The following IQSEC1 variants were observed in gnomAD, a reference collection of about 807,000 sequenced individuals.
The protein encoded by IQSEC1 is IQ motif and SEC7 domain-containing protein 1.
A neutral mutation model predicts 91.0 loss-of-function variants in IQSEC1; 31 were observed. That is an observed-to-expected ratio of 0.34 (90% CI 0.26 to 0.46). IQSEC1 has a LOEUF of 0.46. IQSEC1 is among the 20% of genes least tolerant of loss of function. IQSEC1 has a pLI of 1.00. For synonymous variants in IQSEC1, 699 were observed against 662.6 expected, an observed-to-expected ratio of 1.05 and a Z score of -0.84; for missense variants, 1,388 against 1,575.6, an observed-to-expected ratio of 0.88 and a Z score of 2.02.
chr3:13,277,106 TAAAAAAAA>T lies in IQSEC1; in HGVS notation c.272+5597_272+5604del, dbSNP rs4034193. Among the ~76,000 whole-genome samples, 211 of 35,992 alleles carry T rather than the reference TAAAAAAAA, an allele frequency of 5.9e-3. 4 individuals carry two copies. Among genetic ancestry groups the T allele is most frequent in the African/African-American group, 0.028 (208 of 7,476 alleles). 23.6% of individuals were successfully genotyped at this position (35,992 alleles called of 152,430 possible). A position where few individuals can be genotyped will look rare whatever the true frequency, so the allele number is the denominator to read the frequency against. ...AGTTAGGCAAAGCATTGCTCCTCCT[TAAAAAAAA>T]AAAAAAAAAAAAAAAAAAAAAAACA... On this transcript the variant is annotated intron_variant, in intron 1 of 15. Coordinates refer to the IQSEC1 transcript ENST00000648114.
chr3:13,111,028 G>A (rs1012559294), intron 2 of IQSEC1, among the ~76,000 whole-genome samples: 1 of 152,214 alleles, frequency 6.6e-6, no homozygotes, highest in African/African-American at 2.4e-5. Context: ...GAGAAACTAA[G>A]AGGAACGGCC....
chr3:12,935,541 T>C lies in IQSEC1; in HGVS notation c.1475A>G (p.His492Arg). Reference protein sequence around the residue: ...REQTLSKQTYHKEARNSWDSP... With the variant: ...REQTLSKQTYRKEARNSWDSP... The stretch of plus-strand genomic sequence containing the variant: ...GTCCCAGCTGTTGCGGGCCTCCTTG[T>C]GGTAGGTCTGCTTGCTGAGCGTCTG... Residue 492 changes from histidine to arginine, a missense_variant, in exon 3 of 14, where the codon CAC becomes CGC. His to Arg is a conservative substitution (Grantham distance 29). Coordinates refer to ENST00000613206, the MANE Select transcript of IQSEC1 (RefSeq NM_001134382.3). This position sits in a 1 kb window ranked among gnomAD's most constrained non-coding sequence, Gnocchi z 8.0. 2.5e-6 allele frequency: 4 copies of C among 1,614,030 alleles called. No individual in the cohort carries two copies. Among genetic ancestry groups the C allele is most frequent in the Non-Finnish European group, 3.4e-6 (4 of 1,179,976 alleles).
intron 1 of IQSEC1, among the ~76,000 whole-genome samples, chr3:12,973,313 C>T (rs73028721): frequency 0.13 from 19,134 of 152,196 alleles, 1,287 homozygotes; most frequent in South Asian, 0.18. Flanking sequence ...CCTGTTTCCA[C>T]GTCCTGGGTT....
At chr3:12,913,793 T>TGCCCCAGCAAGGACG (rs1559614289) in intron 8 of IQSEC1, among the ~76,000 whole-genome samples, 2 of 152,156 alleles carry the variant, frequency 1.3e-5, no homozygotes. Flanking sequence ...CCTGAAGGAC[T>TGCCCCAGCAAGGACG]AGGGACGTGC....
At chr3:13,250,779 A>G (rs981732611) in intron 1 of IQSEC1, among the ~76,000 whole-genome samples, 9 of 151,702 alleles carry the variant, frequency 5.9e-5, no homozygotes, top group Admixed American at 4.6e-4. Context: ...CCCCACTTTC[A>G]AGGGACATCC....
chr3:12,897,810 C>T lies in IQSEC1; in HGVS notation c.*3173G>A, dbSNP rs1355455663. 9 of 152,196 alleles carry T rather than the reference C, an allele frequency of 5.9e-5. No individual in the cohort carries two copies. The highest frequency in any genetic ancestry group is 1.3e-4 in the Non-Finnish European group (9 of 68,038). 9.4% of individuals were successfully genotyped at this position (152,196 alleles called of 1,614,324 possible). ...CATTAAGAAAAACAAGAGGCTCCTG[C>T]TGCATGCAGTGTGTGAGGGAAAGAT... is the stretch of plus-strand genomic sequence containing the variant. On this transcript the variant is annotated 3_prime_UTR_variant, in exon 14 of 14. Transcript: ENST00000613206.
intron 1 of IQSEC1, among the ~76,000 whole-genome samples, chr3:13,261,442 C>T (rs1266678170): frequency 6.6e-6 from 1 of 152,172 alleles, no homozygotes; most frequent in East Asian, 1.9e-4. Flanking sequence ...TCCAGCCCCT[C>T]GAATGAGTGC....
intron 1 of IQSEC1, among the ~76,000 whole-genome samples, chr3:13,198,699 T>C (rs902012626): frequency 6.6e-5 from 10 of 152,324 alleles, no homozygotes; most frequent in African/African-American, 9.6e-5. Context: ...CATGTGACCA[T>C]GGGCAAGGCA....
intron 1 of IQSEC1, among the ~76,000 whole-genome samples, chr3:12,986,204 C>A (rs1050313688): frequency 6.6e-6 from 1 of 152,232 alleles, no homozygotes; most frequent in Non-Finnish European, 1.5e-5. Flanking sequence ...GGGAAGGCTA[C>A]GTCACAGGCT....
At chr3:13,276,826 C>T (rs1695690818) in intron 1 of IQSEC1, among the ~76,000 whole-genome samples, 2 of 152,298 alleles carry the variant, frequency 1.3e-5, no homozygotes, top group South Asian at 4.1e-4. Flanking sequence ...CAAGGCCTTG[C>T]TACCTCAGAG....
intron 1 of IQSEC1, among the ~76,000 whole-genome samples, chr3:12,988,454 A>T (rs2125618168): frequency 6.6e-6 from 1 of 152,308 alleles, no homozygotes; most frequent in East Asian, 1.9e-4. Flanking sequence ...TACAATAAAA[A>T]TAAAAGAATG....
intron 2 of IQSEC1, among the ~76,000 whole-genome samples, chr3:13,143,537 A>C (rs1346438901): frequency 6.6e-6 from 1 of 152,190 alleles, no homozygotes; most frequent in East Asian, 1.9e-4. Context: ...AGCAGCTCCA[A>C]ATGCCCCTGG....
chr3:13,200,227 G>A lies in IQSEC1; in HGVS notation c.273-36094C>T, dbSNP rs114313299. Among the ~76,000 whole-genome samples the A allele has an allele frequency of 4.4e-3, 600 of 136,540 alleles. 5 individuals are homozygous for A. Among genetic ancestry groups the A allele is most frequent in the African/African-American group, 0.016 (569 of 35,360 alleles). 89.6% of individuals were successfully genotyped at this position (136,540 alleles called of 152,430 possible). A position where few individuals can be genotyped will look rare whatever the true frequency, so the allele number is the denominator to read the frequency against. ...CACACACTATATGCATACACCAGAC[G>A]TGCACACAAACACACCCACATACAA... On this transcript the variant is annotated intron_variant, in intron 1 of 15. Transcript: ENST00000648114.
intron 1 of IQSEC1, among the ~76,000 whole-genome samples, chr3:13,191,041 G>A (rs1012265059): frequency 3.3e-5 from 5 of 152,190 alleles, no homozygotes; most frequent in Non-Finnish European, 1.5e-5. Context: ...GCCGTCCTGT[G>A]GGCAGGACAT....
rs1702014152 is a variant in IQSEC1 at position 12,992,034 on chromosome 3, G to A, written c.24-50169C>T. 6.6e-6 allele frequency among the ~76,000 whole-genome samples: 1 copy of A among 152,168 alleles called. No homozygotes were observed. The highest frequency in any genetic ancestry group is 6.5e-5 in the Admixed American group (1 of 15,280). On this transcript the variant is annotated intron_variant, in intron 1 of 13. Coordinates refer to ENST00000613206, the MANE Select transcript of IQSEC1 (RefSeq NM_001134382.3). This position sits in a 1 kb window ranked among gnomAD's most constrained non-coding sequence, Gnocchi z 4.1. ...GCAGGAGACAGTCCCCTGCAGAGGT[G>A]AGCACAGGCCCCCTCCCTTGTCCCT...
At position 12,901,165 on chromosome 3, in the gene IQSEC1, CGTGCTGGATGTGCTGGGGTGG is replaced by C; in HGVS notation, c.3142_3162del (p.Pro1048_His1054del). The C allele has an allele frequency of 6.5e-7, 1 of 1,542,886 alleles. No individual in the cohort carries two copies. The highest frequency in any genetic ancestry group is 8.7e-7 in the Non-Finnish European group (1 of 1,143,828). ...TGGGGGCCGTGGTGGTACTGGTGTG[CGTGCTGGATGTGCTGGGGTGG>C]GTGGTGGTGGTGGTGATGGTGGTAC... is the stretch of plus-strand genomic sequence containing the variant. On this transcript the variant is annotated inframe_deletion, in exon 14 of 14. Coordinates refer to ENST00000613206, the MANE Select transcript of IQSEC1 (RefSeq NM_001134382.3).
intron 1 of IQSEC1, among the ~76,000 whole-genome samples, chr3:13,217,192 G>A (rs1694566343): frequency 6.6e-6 from 1 of 152,136 alleles, no homozygotes; most frequent in Non-Finnish European, 1.5e-5. Context: ...ACTGAATGGT[G>A]CAATTACCAC....
chr3:12,967,832 G>A lies in IQSEC1; in HGVS notation c.24-25967C>T, dbSNP rs1327468760. On this transcript the variant is annotated intron_variant, in intron 1 of 13. Transcript: ENST00000613206. The surrounding 1 kb of genome is among the most constrained non-coding windows in gnomAD (Gnocchi z 5.9). ...GCGCGGGGGCGAGACTGCACGGAGCGTGTGGGGAAGAGAGCACAGGAGGCG... is the reference window on the plus strand; with the variant it reads ...GCGCGGGGGCGAGACTGCACGGAGCATGTGGGGAAGAGAGCACAGGAGGCG... 3 of 325,800 alleles carry A rather than the reference G, an allele frequency of 9.2e-6. No homozygotes were observed. Among genetic ancestry groups the A allele is most frequent in the Non-Finnish European group, 1.3e-5 (3 of 229,724 alleles). 20.2% of individuals were successfully genotyped at this position (325,800 alleles called of 1,614,324 possible). A position where few individuals can be genotyped will look rare whatever the true frequency, so the allele number is the denominator to read the frequency against.
At chr3:13,225,038 A>G (rs1448539066) in intron 1 of IQSEC1, among the ~76,000 whole-genome samples, 1 of 152,242 alleles carries the variant, frequency 6.6e-6, no homozygotes, top group Non-Finnish European at 1.5e-5. Flanking sequence ...GTAGTGAGAC[A>G]TTCTGCCTTT....
Sources: gnomAD v4.1 joint callset for allele counts (sites outside exome capture counted in the v4.1 genomes callset) on GRCh38, gnomAD v4.1.1 for gene constraint, Gnocchi (gnomAD v3.1) non-coding constraint, MANE v1.5 for transcripts, NCBI Gene and HGNC (gene_info 2026-07-23, HGNC 2026-07-21) for gene names.